Variants in CHL1 observed in about 807,000 individuals in gnomAD.
CHL1 encodes cell adhesion molecule L1 like.
CHL1 carries 96 observed loss-of-function variants against 141.9 expected under a neutral mutation model. The observed-to-expected ratio is 0.68, with a 90% confidence interval of 0.57 to 0.80. The LOEUF (loss-of-function observed/expected upper bound fraction) is 0.80, where lower values mean the gene tolerates loss of function less well. Ranked by LOEUF, CHL1 falls within the 30% of genes least tolerant of loss-of-function variation. CHL1 has a pLI of 0.00. For missense variants in CHL1, 1,820 were observed against 1,457.2 expected (o/e 1.25, Z -4.05); for synonymous variants, 613 against 502.2 (o/e 1.22, Z -2.95).
At chr3:293,214 AC>A (rs1559210972) in intron 2 of CHL1, among the ~76,000 whole-genome samples, 1 of 152,194 alleles carries the variant, frequency 6.6e-6, no homozygotes, top group Non-Finnish European at 1.5e-5. Context: ...TACAAAAAAA[AC>A]TTGTGGCTGA....
intron 1 of CHL1, chr3:213,331 A>G (rs957798715): frequency 2.0e-5 from 3 of 152,188 alleles, no homozygotes; most frequent in Non-Finnish European, 4.4e-5. Context: ...GCCTAACTCA[A>G]GAAAAATTCA....
At chr3:307,641 C>T (rs1699362295) in intron 2 of CHL1, among the ~76,000 whole-genome samples, 1 of 151,950 alleles carries the variant, frequency 6.6e-6, no homozygotes, top group African/African-American at 2.4e-5. Context: ...CTAGCAAATC[C>T]ACCAATATAT....
intron 24 of CHL1, among the ~76,000 whole-genome samples, chr3:395,874 A>C (rs1035499904): frequency 2.0e-5 from 3 of 152,124 alleles, no homozygotes; most frequent in African/African-American, 7.2e-5. Context: ...AAAATAGTAG[A>C]GAAAATGCAG....
At chr3:329,727 A>C (rs1701292955) in intron 5 of CHL1, among the ~76,000 whole-genome samples, 1 of 152,198 alleles carries the variant, frequency 6.6e-6, no homozygotes, top group Non-Finnish European at 1.5e-5. Context: ...CTAAACCTTA[A>C]GGATACAGAA....
At chr3:285,258 A>T (rs563775869) in intron 2 of CHL1, among the ~76,000 whole-genome samples, 1 of 152,206 alleles carries the variant, frequency 6.6e-6, no homozygotes, top group Admixed American at 6.5e-5. Flanking sequence ...ACAAAATACA[A>T]CCTTGTTTGA....
At position 382,603 on chromosome 3, in the gene CHL1, T is replaced by C. The variant is rs755763964; in HGVS notation, c.2108T>C (p.Ile703Thr). 10 of 1,613,922 alleles carry C rather than the reference T, an allele frequency of 6.2e-6. No homozygotes were observed. The highest frequency in any genetic ancestry group is 6.8e-6 in the Non-Finnish European group (8 of 1,179,900). Residue 703 changes from isoleucine to threonine, a missense_variant, in exon 18 of 28, where the codon ATA (isoleucine) becomes ACA (threonine). Transcript: ENST00000256509. ...APFVRYQFRV[I>T]AVNEVGRSQP... ...TTTGTGAGATACCAGTTCAGGGTCATAGCCGTGAACGAAGTAGGGAGAAGT... is the reference window on the plus strand; with the variant it reads ...TTTGTGAGATACCAGTTCAGGGTCACAGCCGTGAACGAAGTAGGGAGAAGT...
At chr3:241,790 G>C (rs62228325) in intron 1 of CHL1, among the ~76,000 whole-genome samples, 7,597 of 151,182 alleles carry the variant, frequency 0.05, 205 homozygotes, top group Non-Finnish European at 0.065. Context: ...TTTACATTTG[G>C]TGGGTATATT....
In CHL1 at chr3:254,229, C is replaced by T. The variant is rs146947767; in HGVS notation, c.-95+9537C>T. Reference sequence around the variant, plus strand: ...TCTAATGCCTATAAAGGCCCAACACCATCAGCTCAGCTCTGGACAACTCCT... The same window carrying T: ...TCTAATGCCTATAAAGGCCCAACACTATCAGCTCAGCTCTGGACAACTCCT... On this transcript the variant is annotated intron_variant, in intron 2 of 27. Coordinates refer to ENST00000256509, the MANE Select transcript of CHL1 (RefSeq NM_006614.4). Among the ~76,000 whole-genome samples, 206 of 152,290 alleles carry T rather than the reference C, an allele frequency of 1.4e-3. 4 individuals are homozygous for T. Among genetic ancestry groups the T allele is most frequent in the African/African-American group, 4.5e-3 (188 of 41,560 alleles).
At position 407,912 on chromosome 3, in the gene CHL1, A is replaced by T. The variant is rs533826399; in HGVS notation, c.*2201A>T. On this transcript the variant is annotated 3_prime_UTR_variant, in exon 28 of 28. Transcript: ENST00000256509. ...TCTTCTGAGTGGCTAAAACTTATGG[A>T]TATGAAAAATGAGATTGAATGATGA... 3 of 152,226 alleles carry T rather than the reference A, an allele frequency of 2.0e-5. No individual in the cohort carries two copies. The East Asian group carries it at 5.8e-4, about 29-fold the overall frequency. The allele number at this position is 152,226 out of a possible 1,614,324, so 9.4% of individuals were successfully genotyped here.
chr3:322,130 A>T (rs928137263), intron 3 of CHL1, among the ~76,000 whole-genome samples: 1 of 151,928 alleles, frequency 6.6e-6, no homozygotes, highest in Non-Finnish European at 1.5e-5. Context: ...AATAAGCTCA[A>T]GTCCTGCTCT....
At chr3:205,250 A>G (rs1037286775) in intron 1 of CHL1, among the ~76,000 whole-genome samples, 1 of 151,866 alleles carries the variant, frequency 6.6e-6, no homozygotes, top group East Asian at 1.9e-4. Context: ...TGCTGGGACT[A>G]CAGACGGGCA....
At chr3:343,944 A>T (rs1702552571) in intron 8 of CHL1, among the ~76,000 whole-genome samples, 1 of 152,246 alleles carries the variant, frequency 6.6e-6, no homozygotes, top group South Asian at 2.1e-4. Flanking sequence ...CCCTTTGAAG[A>T]TGGAAGTCTT....
chr3:280,838 A>T (rs1326405289), intron 2 of CHL1, among the ~76,000 whole-genome samples: 2 of 152,076 alleles, frequency 1.3e-5, no homozygotes, highest in Non-Finnish European at 2.9e-5. Flanking sequence ...CTCTGGTTTT[A>T]AAAGTTAACT....
chr3:252,049 A>G (rs1693734638), intron 2 of CHL1, among the ~76,000 whole-genome samples: 1 of 152,078 alleles, frequency 6.6e-6, no homozygotes, highest in South Asian at 2.1e-4. Context: ...CTTTCCAACC[A>G]CCACAAACTT....
intron 24 of CHL1, among the ~76,000 whole-genome samples, chr3:397,160 A>T (rs1396884389): frequency 6.6e-6 from 1 of 151,978 alleles, no homozygotes; most frequent in African/African-American, 2.4e-5. Flanking sequence ...CACTTGCTTT[A>T]CTCTATTTTT....
At chr3:221,180 T>G (rs1700807908) in intron 1 of CHL1, among the ~76,000 whole-genome samples, 1 of 152,230 alleles carries the variant, frequency 6.6e-6, no homozygotes, top group African/African-American at 2.4e-5. Flanking sequence ...CTCCTTAAAA[T>G]GGATAAAACC....
intron 5 of CHL1, among the ~76,000 whole-genome samples, chr3:328,957 T>A (rs1233785684): frequency 1.3e-5 from 2 of 152,156 alleles, no homozygotes; most frequent in Non-Finnish European, 2.9e-5. Flanking sequence ...CTAACATCAA[T>A]AGTATGATGC....
rs941875891 is a variant in CHL1, at chr3:393,158, G to A, written c.2914+1361G>A. On this transcript the variant is annotated intron_variant, in intron 23 of 27. Transcript: ENST00000256509. ...TGAGGCAGGAGAATGGCGTGAACCCGGGAGGCAGAGCTTGCGGTGAGCTGA... is the reference window on the plus strand; with the variant it reads ...TGAGGCAGGAGAATGGCGTGAACCCAGGAGGCAGAGCTTGCGGTGAGCTGA... Among the ~76,000 whole-genome samples the A allele has an allele frequency of 8.0e-5, 12 of 150,216 alleles. No homozygotes were observed. In the South Asian group the frequency reaches 8.4e-4, roughly 11 times the overall value.
At chr3:362,035 G>C (rs1364665286) in intron 13 of CHL1, among the ~76,000 whole-genome samples, 2 of 152,172 alleles carry the variant, frequency 1.3e-5, no homozygotes, top group African/African-American at 4.8e-5. Context: ...AGAGCCACTT[G>C]TGTTCATAAA....
Sources: gnomAD v4.1 joint callset for allele counts (sites outside exome capture counted in the v4.1 genomes callset) on GRCh38, gnomAD v4.1.1 for gene constraint, MANE v1.5 for transcripts, NCBI Gene and HGNC (gene_info 2026-07-23, HGNC 2026-07-21) for gene names.